The following GTPBP2 variants were observed in gnomAD, a reference collection of about 807,000 sequenced individuals.
The protein encoded by GTPBP2 is GTP-binding protein 2.
Under a neutral mutation model 63.0 loss-of-function variants are expected in GTPBP2, and 32 were observed. The ratio of observed to expected loss-of-function variants is 0.51; its 90% CI spans 0.38 to 0.68. The LOEUF is 0.68. Among genes scored for constraint, GTPBP2 ranks in the 30% least tolerant of loss-of-function variants. The pLI, the probability that GTPBP2 is intolerant of heterozygous loss-of-function variation, is 0.00. For missense variants in GTPBP2, 492 were observed against 796.9 expected, an observed-to-expected ratio of 0.62 and a Z score of 4.61; for synonymous variants, 310 against 322.6, an observed-to-expected ratio of 0.96 and a Z score of 0.42.
At chr6:43,629,610 A>C, upstream of GTPBP2, 1 of 861,520 alleles carries the variant, frequency 1.2e-6, no homozygotes, top group Non-Finnish European at 1.9e-6. Flanking sequence ...TTACATCAGA[A>C]TCGAGCTTTG....
chr6:43,625,433 A>G lies in GTPBP2; in HGVS notation c.635T>C (p.Leu212Pro). The change falls in exon 5 of 12, where the codon CTG becomes CCG. Residue 212 changes from leucine to proline, a missense_variant. Transcript: ENST00000307126. The surrounding 1 kb of genome is among the most constrained non-coding windows in gnomAD (Gnocchi z 5.1). ...GGTTCGGCCAGACTGAATCTCATGC[A>G]GGTGGCGGAAAAGGTTGAGCCGAGC... Reference protein sequence around the residue: ...GRARLNLFRHLHEIQSGRTSS... With the variant: ...GRARLNLFRHPHEIQSGRTSS... The G allele has an allele frequency of 6.2e-7, 1 of 1,614,130 alleles. No individual in the cohort carries two copies. Among genetic ancestry groups the G allele is most frequent in the Non-Finnish European group, 8.5e-7 (1 of 1,180,010 alleles).
intron 1 of GTPBP2, chr6:43,628,604 T>C (rs996322276): frequency 9.6e-6 from 9 of 939,524 alleles, no homozygotes; most frequent in Non-Finnish European, 1.1e-5. Flanking sequence ...GGAACAAGTT[T>C]AGAAGAAGTG....
In GTPBP2 at chr6:43,622,073, C is replaced by T. The variant is rs1336384167; in HGVS notation, c.1562G>A (p.Arg521Gln). The change falls in exon 11 of 12, where the codon CGA becomes CAA. Residue 521 changes from arginine (R) to glutamine (Q), a missense_variant. Around this residue, in one of 2 missense-constraint regions of GTPBP2, gnomAD observed 400 missense variants for 710.8 expected, o/e 0.56. Coordinates refer to ENST00000307126, the MANE Select transcript of GTPBP2 (RefSeq NM_019096.5). This position sits in a 1 kb window ranked among gnomAD's most constrained non-coding sequence, Gnocchi z 5.4. The part of the protein sequence containing the change: ...VLLFHATTFR[R>Q]GFQVTVHVGN... ...CACGTGTACTGTCACCTGGAATCCT[C>T]GTCGGAAGGTGGTGGCATGGAACAG... The T allele has an allele frequency of 1.2e-6, 2 of 1,614,146 alleles. No individual in the cohort carries two copies. The highest frequency in any genetic ancestry group is 2.2e-5 in the East Asian group (1 of 44,890).
chr6:43,628,942 G>A (rs1221115266), intron 1 of GTPBP2, 35 bp downstream of exon 1: 16 of 1,599,348 alleles, frequency 1.0e-5, no homozygotes, highest in Non-Finnish European at 1.4e-5. Context: ...GGAAAGAGTG[G>A]CTTCTTCCCG....
chr6:43,629,104 G>T lies in GTPBP2; in HGVS notation c.59C>A (p.Ala20Asp). The T allele has an allele frequency of 6.4e-7, 1 of 1,555,262 alleles. No individual in the cohort carries two copies. Among genetic ancestry groups the T allele is most frequent in the Non-Finnish European group, 8.7e-7 (1 of 1,155,432 alleles). The change falls in exon 1 of 12, where the codon GCC becomes GAC. Residue 20 changes from alanine (A) to aspartate (D), a missense_variant. Ala to Asp is a moderately radical substitution (Grantham distance 126). Around this residue, in one of 2 missense-constraint regions of GTPBP2, gnomAD observed 92 missense variants for 86.1 expected, o/e 1.07. Coordinates refer to ENST00000307126, the MANE Select transcript of GTPBP2 (RefSeq NM_019096.5). The stretch of plus-strand genomic sequence containing the variant: ...CCTAGCCTTGAGGGTTCCGCCCACG[G>T]CCGGGCCCCCTCCGGGCCGGCAGCA... ...GGCCRPGGGP[A>D]VGGTLKARGA...
At position 43,629,100 on chromosome 6, in the gene GTPBP2, C is replaced by A; in HGVS notation, c.63G>T (p.Val21=). 6.4e-7 allele frequency: 1 copy of A among 1,566,320 alleles called. No individual in the cohort carries two copies. Among genetic ancestry groups the A allele is most frequent in the Non-Finnish European group, 8.6e-7 (1 of 1,159,302 alleles). The part of the protein sequence containing the change: ...GCCRPGGGPA[V]GGTLKARGAG... Reference sequence around the variant, plus strand: ...CCCCCCTAGCCTTGAGGGTTCCGCCCACGGCCGGGCCCCCTCCGGGCCGGC... The same window carrying A: ...CCCCCCTAGCCTTGAGGGTTCCGCCAACGGCCGGGCCCCCTCCGGGCCGGC... The change falls in exon 1 of 12, where the codon GTG becomes GTT. Residue 21 remains valine (V), a synonymous_variant. Coordinates refer to ENST00000307126, the MANE Select transcript of GTPBP2 (RefSeq NM_019096.5).
chr6:43,630,741 T>C (rs1296093987), upstream of GTPBP2, among the ~76,000 whole-genome samples: 1 of 118,974 alleles, frequency 8.4e-6, no homozygotes, highest in Non-Finnish European at 1.8e-5. Context: ...AGACTCCAAC[T>C]AAAAAAAAAA....
chr6:43,624,868 C>T lies in GTPBP2; in HGVS notation c.880+20G>A. 5 of 1,612,802 alleles carry T rather than the reference C, an allele frequency of 3.1e-6. No homozygotes were observed. Among genetic ancestry groups the T allele is most frequent in the Non-Finnish European group, 3.4e-6 (4 of 1,179,090 alleles). ...GTCAGCACCCCCCTTCAGCCCTGTC[C>T]CTGCCCTAATGCCTCGTACCAATCC... is the stretch of plus-strand genomic sequence containing the variant. On this transcript the variant is annotated intron_variant, in intron 6 of 11. Coordinates refer to ENST00000307126, the MANE Select transcript of GTPBP2 (RefSeq NM_019096.5). The surrounding 1 kb of genome is among the most constrained non-coding windows in gnomAD (Gnocchi z 5.1).
In GTPBP2 at chr6:43,622,484, G is replaced by T; in HGVS notation, c.1467+149C>A. 1.3e-6 allele frequency: 1 copy of T among 749,250 alleles called. No individual in the cohort carries two copies. Among genetic ancestry groups the T allele is most frequent in the South Asian group, 1.7e-5 (1 of 57,532 alleles). The allele number at this position is 749,250 out of a possible 1,614,324, so 46.4% of individuals were successfully genotyped here. On this transcript the variant is annotated intron_variant, in intron 10 of 11. Coordinates refer to ENST00000307126, the MANE Select transcript of GTPBP2 (RefSeq NM_019096.5). The surrounding 1 kb of genome is among the most constrained non-coding windows in gnomAD (Gnocchi z 5.4). ...ATGAGTACGTTAAGCTGTTTTTATA[G>T]TCTACGTAGCTAGACCAGAAGCTTC... is the stretch of plus-strand genomic sequence containing the variant.
chr6:43,629,145 C>T lies in GTPBP2; in HGVS notation c.18G>A (p.Ser6=), dbSNP rs757119921. The T allele has an allele frequency of 6.7e-7, 1 of 1,481,812 alleles. No homozygotes were observed. Among genetic ancestry groups the T allele is most frequent in the Middle Eastern group, 2.4e-4 (1 of 4,254 alleles). The allele number at this position is 1,481,812 out of a possible 1,614,324, so 91.8% of individuals were successfully genotyped here. A position where few individuals can be genotyped will look rare whatever the true frequency, so the allele number is the denominator to read the frequency against. Residue 6 remains serine (S), a synonymous_variant, in exon 1 of 12, where the codon TCG becomes TCA. Coordinates refer to ENST00000307126, the MANE Select transcript of GTPBP2 (RefSeq NM_019096.5). Reference sequence around the variant, plus strand: ...GCCGGCAGCAGCCGCCGAACAGCTCCGATACCCGCGAGTCCATCCGCCGCT... The same window carrying T: ...GCCGGCAGCAGCCGCCGAACAGCTCTGATACCCGCGAGTCCATCCGCCGCT... MDSRV[S]ELFGGCCRPG... is the part of the protein sequence containing the mutation.
upstream of GTPBP2, among the ~76,000 whole-genome samples, chr6:43,630,052 G>A (rs1769805952): frequency 6.6e-6 from 1 of 152,190 alleles, no homozygotes; most frequent in Non-Finnish European, 1.5e-5. Flanking sequence ...AACTGAGTTT[G>A]GTTTTAAACG....
At chr6:43,629,787 C>A (rs1769781570), upstream of GTPBP2, 2 of 1,563,952 alleles carry the variant, frequency 1.3e-6, no homozygotes, top group East Asian at 4.7e-5. Context: ...AGGGCGAACG[C>A]CAGGGCGGAG....
At position 43,624,873 on chromosome 6, in the gene GTPBP2, C is replaced by T. The variant is rs1209648748; in HGVS notation, c.880+15G>A. 1.2e-6 allele frequency: 2 copies of T among 1,613,306 alleles called. No homozygotes were observed. The highest frequency in any genetic ancestry group is 1.7e-6 in the Non-Finnish European group (2 of 1,179,526). On this transcript the variant is annotated intron_variant, in intron 6 of 11. Transcript: ENST00000307126. This position sits in a 1 kb window ranked among gnomAD's most constrained non-coding sequence, Gnocchi z 5.1. Reference sequence around the variant, plus strand: ...CACCCCCCTTCAGCCCTGTCCCTGCCCTAATGCCTCGTACCAATCCCAGTG... The same window carrying T: ...CACCCCCCTTCAGCCCTGTCCCTGCTCTAATGCCTCGTACCAATCCCAGTG...
At chr6:43,623,525 A>C (rs1768998289) in intron 9 of GTPBP2, 1 of 587,450 alleles carries the variant, frequency 1.7e-6, no homozygotes, top group Admixed American at 3.0e-5. Flanking sequence ...AGGGGCCTGG[A>C]GATTCCCCAA....
At position 43,622,653 on chromosome 6, in the gene GTPBP2, C is replaced by A; in HGVS notation, c.1447G>T (p.Asp483Tyr). 1 of 1,613,282 alleles carries A rather than the reference C, an allele frequency of 6.2e-7. No homozygotes were observed. Among genetic ancestry groups the A allele is most frequent in the South Asian group, 1.1e-5 (1 of 91,044 alleles). Reference sequence around the variant, plus strand: ...CTCACCTTGCGAAGCAGTGCACGGTCAAAGTCCCCAAGCGCCAGTGTAGCA... The same window carrying A: ...CTCACCTTGCGAAGCAGTGCACGGTAAAAGTCCCCAAGCGCCAGTGTAGCA... ...QAATLALGDF[D>Y]RALLRKGMVM... Residue 483 changes from aspartate to tyrosine, a missense_variant, in exon 10 of 12, where the codon GAC becomes TAC. This residue lies in a region of GTPBP2 where 400 missense variants were observed against 710.8 expected (regional missense o/e 0.56). Transcript: ENST00000307126. This position sits in a 1 kb window ranked among gnomAD's most constrained non-coding sequence, Gnocchi z 5.4.
chr6:43,622,253 C>A lies in GTPBP2; in HGVS notation c.1468-86G>T. On this transcript the variant is annotated intron_variant, in intron 10 of 11. Coordinates refer to ENST00000307126, the MANE Select transcript of GTPBP2 (RefSeq NM_019096.5). This position sits in a 1 kb window ranked among gnomAD's most constrained non-coding sequence, Gnocchi z 5.4. ...CAGCCACCCCACACCCTTTATAGCT[C>A]CTGAATTTCCTCTTCCTCTACACAA... The A allele has an allele frequency of 9.1e-7, 1 of 1,097,604 alleles. No homozygotes were observed. Among genetic ancestry groups the A allele is most frequent in the African/African-American group, 1.6e-5 (1 of 64,112 alleles). 68.0% of individuals were successfully genotyped at this position (1,097,604 alleles called of 1,614,324 possible).
rs1279112699 is a variant in GTPBP2, at chr6:43,627,349, G to A, written c.187-401C>T. 3.0e-6 allele frequency: 3 copies of A among 1,007,286 alleles called. No homozygotes were observed. The Admixed American group carries it at 1.7e-4, about 58-fold the overall frequency. The allele number at this position is 1,007,286 out of a possible 1,614,324, so 62.4% of individuals were successfully genotyped here. A position where few individuals can be genotyped will look rare whatever the true frequency, so the allele number is the denominator to read the frequency against. On this transcript the variant is annotated intron_variant, in intron 1 of 11. Coordinates refer to ENST00000307126, the MANE Select transcript of GTPBP2 (RefSeq NM_019096.5). Reference sequence around the variant, plus strand: ...AAACCTTTCTTTGTCACTGGTCTAGGAAACACCATTTCCTCCCTGCCTGCC... The same window carrying A: ...AAACCTTTCTTTGTCACTGGTCTAGAAAACACCATTTCCTCCCTGCCTGCC...
chr6:43,624,835 G>T lies in GTPBP2; in HGVS notation c.880+53C>A. 6.3e-7 allele frequency: 1 copy of T among 1,594,944 alleles called. No homozygotes were observed. The highest frequency in any genetic ancestry group is 8.6e-7 in the Non-Finnish European group (1 of 1,163,480). On this transcript the variant is annotated intron_variant, in intron 6 of 11. Coordinates refer to ENST00000307126, the MANE Select transcript of GTPBP2 (RefSeq NM_019096.5). The surrounding 1 kb of genome is among the most constrained non-coding windows in gnomAD (Gnocchi z 5.1). ...CTGTCTCCAAGATTTGAGGCCCAGG[G>T]TAGGAGAGTCAGCACCCCCCTTCAG...
chr6:43,621,501 C>T lies in GTPBP2; in HGVS notation c.*113G>A, dbSNP rs1392356291. 7.6e-6 allele frequency: 12 copies of T among 1,570,226 alleles called. No homozygotes were observed. The highest frequency in any genetic ancestry group is 1.0e-5 in the Non-Finnish European group (12 of 1,157,384). On this transcript the variant is annotated 3_prime_UTR_variant, in exon 12 of 12. Coordinates refer to ENST00000307126, the MANE Select transcript of GTPBP2 (RefSeq NM_019096.5). The stretch of plus-strand genomic sequence containing the variant: ...GGCAGGGAGCAAGTGGCAGACAGCA[C>T]CCCTCTCTCCCTAGCCTATTAACAC...
Sources: gnomAD v4.1 joint callset for allele counts (sites outside exome capture counted in the v4.1 genomes callset) on GRCh38, gnomAD v4.1.1 for gene constraint, gnomAD v4.1.1 regional missense constraint, Gnocchi (gnomAD v3.1) non-coding constraint, MANE v1.5 for transcripts, NCBI Gene and HGNC (gene_info 2026-07-23, HGNC 2026-07-21) for gene names.